The following CREB3L2 variants were observed in gnomAD, a reference collection of about 807,000 sequenced individuals.
CREB3L2 encodes the protein cAMP responsive element binding protein 3 like 2.
Under a neutral mutation model 57.2 loss-of-function variants are expected in CREB3L2, and 23 were observed. The observed-to-expected ratio is 0.40, with a 90% CI of 0.29 to 0.57. CREB3L2 has a LOEUF of 0.57. CREB3L2 is among the 20% of genes least tolerant of loss of function. CREB3L2 has a pLI of 0.42. For synonymous variants in CREB3L2, 268 were observed against 265.1 expected (o/e 1.01, Z -0.11); for missense variants, 628 against 634.7 (o/e 0.99, Z 0.11).
intron 8 of CREB3L2, among the ~76,000 whole-genome samples, chr7:137,892,352 A>AC (rs1357259358): frequency 2.0e-5 from 3 of 151,968 alleles, no homozygotes; most frequent in Non-Finnish European, 4.4e-5. Context: ...ACAATTAAAA[A>AC]AAAAAAAAAA....
At chr7:137,920,988 C>G (rs1397372589) in intron 2 of CREB3L2, among the ~76,000 whole-genome samples, 3 of 152,136 alleles carry the variant, frequency 2.0e-5, no homozygotes, top group Non-Finnish European at 4.4e-5. Flanking sequence ...CAATGTTTCT[C>G]CATGTCCTTA....
At chr7:137,952,565 C>T (rs1045350868) in intron 1 of CREB3L2, among the ~76,000 whole-genome samples, 1 of 152,178 alleles carries the variant, frequency 6.6e-6, no homozygotes, top group Admixed American at 6.5e-5. Flanking sequence ...TATGATCTGG[C>T]CCCTGCTTTC....
rs753605407 is a variant in CREB3L2 at position 137,879,978 on chromosome 7, C to T, written c.*498G>A. ...GAGGGCTCCCAGGGGGCAGAGTGGGCGGAGGGCTGCTGTCGGGGGTGTTCA... is the reference window on the plus strand; with the variant it reads ...GAGGGCTCCCAGGGGGCAGAGTGGGTGGAGGGCTGCTGTCGGGGGTGTTCA... On this transcript the variant is annotated 3_prime_UTR_variant, in exon 12 of 12. Coordinates refer to ENST00000330387, the MANE Select transcript of CREB3L2 (RefSeq NM_194071.4). The T allele has an allele frequency of 8.4e-6, 2 of 238,948 alleles. No homozygotes were observed. Among genetic ancestry groups the T allele is most frequent in the African/African-American group, 2.2e-5 (1 of 45,326 alleles). The allele number at this position is 238,948 out of a possible 1,614,324, so 14.8% of individuals were successfully genotyped here.
intron 1 of CREB3L2, among the ~76,000 whole-genome samples, chr7:137,937,823 CAA>C (rs3087067): frequency 0.098 from 13,278 of 135,042 alleles, 882 homozygotes; most frequent in Admixed American, 0.23. Context: ...GGCTTATTAC[CAA>C]AAAAAAAAAA....
chr7:137,893,486 G>A (rs906447604), intron 8 of CREB3L2, among the ~76,000 whole-genome samples: 2 of 152,174 alleles, frequency 1.3e-5, no homozygotes, highest in Admixed American at 1.3e-4. Context: ...GTGCAGCTGG[G>A]GGTGGGTTCA....
In CREB3L2 at chr7:138,001,937, A is replaced by C; in HGVS notation, c.-232T>G. On this transcript the variant is annotated 5_prime_UTR_variant, in exon 1 of 12. Transcript: ENST00000330387. This position sits in a 1 kb window ranked among gnomAD's most constrained non-coding sequence, Gnocchi z 4.2. ...GAGAATCCCCAGGGACACGAGCCGG[A>C]CCAAAGGCTGCCGGGGCTAAAGCGG... 6.7e-6 allele frequency: 3 copies of C among 446,300 alleles called. No individual in the cohort carries two copies. In the South Asian group the frequency reaches 1.2e-4, roughly 18 times the overall value. The allele number at this position is 446,300 out of a possible 1,614,324, so 27.6% of individuals were successfully genotyped here. A position where few individuals can be genotyped will look rare whatever the true frequency, so the allele number is the denominator to read the frequency against.
In CREB3L2 at chr7:137,876,150, G is replaced by C. The variant is rs539216261; in HGVS notation, c.*4326C>G. ...CTCCTGATGTGCAAATCTGATAGTG[G>C]CTCACTTTTAGGAAACCACTTTTGA... On this transcript the variant is annotated 3_prime_UTR_variant, in exon 12 of 12. Coordinates refer to ENST00000330387, the MANE Select transcript of CREB3L2 (RefSeq NM_194071.4). The C allele has an allele frequency of 8.6e-6, 2 of 232,318 alleles. No individual in the cohort carries two copies. The highest frequency in any genetic ancestry group is 4.4e-5 in the African/African-American group (2 of 45,208). The allele number at this position is 232,318 out of a possible 1,614,324, so 14.4% of individuals were successfully genotyped here.
At chr7:137,989,327 G>A (rs147026052) in intron 1 of CREB3L2, among the ~76,000 whole-genome samples, 4 of 152,152 alleles carry the variant, frequency 2.6e-5, no homozygotes, top group African/African-American at 9.6e-5. Flanking sequence ...CAGGGGACTC[G>A]GCGGTCAGCT....
intron 8 of CREB3L2, among the ~76,000 whole-genome samples, chr7:137,897,167 T>C (rs1799645226): frequency 6.6e-6 from 1 of 152,230 alleles, no homozygotes; most frequent in Non-Finnish European, 1.5e-5. Context: ...TGATAATCAT[T>C]TCATAATATA....
rs1030554599 is a variant in CREB3L2, at chr7:137,918,322, C to T, written c.320-2310G>A. On this transcript the variant is annotated intron_variant, in intron 2 of 11. Coordinates refer to ENST00000330387, the MANE Select transcript of CREB3L2 (RefSeq NM_194071.4). ...TCTCCTGCCTCAGCCTCCTGAGTAG[C>T]TGGAATTACAGGTACACGCCACGAC... Among the ~76,000 whole-genome samples, 3 of 152,072 alleles carry T rather than the reference C, an allele frequency of 2.0e-5. No individual in the cohort carries two copies. The East Asian group carries it at 5.8e-4, about 29-fold the overall frequency.
chr7:137,949,721 T>C (rs536796845), intron 1 of CREB3L2, among the ~76,000 whole-genome samples: 1 of 152,342 alleles, frequency 6.6e-6, no homozygotes, highest in Non-Finnish European at 1.5e-5. Flanking sequence ...AACATTTGTG[T>C]TTCTCACACC....
intron 8 of CREB3L2, among the ~76,000 whole-genome samples, chr7:137,891,186 C>A (rs932332469): frequency 6.6e-6 from 1 of 152,188 alleles, no homozygotes; most frequent in Admixed American, 6.5e-5. Context: ...TATCCTCATG[C>A]AGTTCCTTGC....
Position 137,884,706 on chromosome 7 carries a change from C to A in CREB3L2, c.1270+289G>T, listed in dbSNP as rs373358889. On this transcript the variant is annotated intron_variant, in intron 10 of 11. Coordinates refer to ENST00000330387, the MANE Select transcript of CREB3L2 (RefSeq NM_194071.4). ...TCTTTCCCTCATCTGCTTCCCTCTC[C>A]CTTATCAGAACTCAAAAATTAGATG... The A allele has an allele frequency of 2.0e-5, 12 of 596,622 alleles. No individual in the cohort carries two copies. In the East Asian group the frequency reaches 3.3e-4, roughly 16 times the overall value. The allele number at this position is 596,622 out of a possible 1,614,324, so 37.0% of individuals were successfully genotyped here.
chr7:137,911,048 A>G (rs528752419), intron 4 of CREB3L2, among the ~76,000 whole-genome samples: 1 of 152,340 alleles, frequency 6.6e-6, no homozygotes, highest in South Asian at 2.1e-4. Flanking sequence ...ATTCATTGTT[A>G]TGGTGATGAC....
intron 8 of CREB3L2, among the ~76,000 whole-genome samples, chr7:137,899,357 C>G (rs1419328545): frequency 6.6e-6 from 1 of 152,210 alleles, no homozygotes; most frequent in African/African-American, 2.4e-5. Flanking sequence ...ACACAAACTC[C>G]AAGGAGGTCT....
chr7:137,908,833 C>T (rs902572533), intron 4 of CREB3L2, among the ~76,000 whole-genome samples: 7 of 152,040 alleles, frequency 4.6e-5, no homozygotes, highest in Non-Finnish European at 1.5e-5. Context: ...ATTAGCCTGG[C>T]GTGGTGGCAC....
At position 137,876,719 on chromosome 7, in the gene CREB3L2, G is replaced by C. The variant is rs77218976; in HGVS notation, c.*3757C>G. On this transcript the variant is annotated 3_prime_UTR_variant, in exon 12 of 12. Coordinates refer to ENST00000330387, the MANE Select transcript of CREB3L2 (RefSeq NM_194071.4). Reference sequence around the variant, plus strand: ...GCACTACCTGCCCATGGCTTCACAGGTCCAGCCAGCCCAGCAAGCAGAAGT... The same window carrying C: ...GCACTACCTGCCCATGGCTTCACAGCTCCAGCCAGCCCAGCAAGCAGAAGT... 182 of 232,058 alleles carry C rather than the reference G, an allele frequency of 7.8e-4. 5 individuals carry two copies. Among genetic ancestry groups the C allele is most frequent in the Middle Eastern group, 5.1e-3 (4 of 782 alleles). The allele number at this position is 232,058 out of a possible 1,614,324, so 14.4% of individuals were successfully genotyped here. A position where few individuals can be genotyped will look rare whatever the true frequency, so the allele number is the denominator to read the frequency against.
At chr7:137,986,571 G>C (rs1270555372) in intron 1 of CREB3L2, among the ~76,000 whole-genome samples, 3 of 152,338 alleles carry the variant, frequency 2.0e-5, no homozygotes, top group Middle Eastern at 3.4e-3. Context: ...TGGTGATAAG[G>C]GCTATGAAGT....
At chr7:137,929,640 A>G (rs758818160) in intron 1 of CREB3L2, among the ~76,000 whole-genome samples, 9 of 151,452 alleles carry the variant, frequency 5.9e-5, no homozygotes, top group Non-Finnish European at 1.2e-4. Context: ...AGGTGGGCGG[A>G]TCACAAGGTC....
Sources: allele counts gnomAD v4.1 joint callset (sites outside exome capture counted in the v4.1 genomes callset), GRCh38; gene constraint gnomAD v4.1.1; non-coding constraint Gnocchi (gnomAD v3.1); transcripts MANE v1.5; gene names NCBI Gene and HGNC (gene_info 2026-07-23, HGNC 2026-07-21).